TSHZ3: variants seen among roughly 807,000 people sequenced by gnomAD.
TSHZ3 encodes teashirt homolog 3.
A neutral mutation model predicts 64.5 loss-of-function variants in TSHZ3; 10 were observed. The observed-to-expected ratio is 0.16, with a 90% CI of 0.10 to 0.26. The LOEUF (loss-of-function observed/expected upper bound fraction) is 0.26, where lower values mean the gene tolerates loss of function less well. TSHZ3 is among the 10% of genes least tolerant of loss of function. TSHZ3 has a pLI of 1.00. For missense variants in TSHZ3, 1,242 were observed against 1,421.7 expected (o/e 0.87, Z 2.03); for synonymous variants, 608 against 593.1 (o/e 1.03, Z -0.36).
intron 1 of TSHZ3, among the ~76,000 whole-genome samples, chr19:31,311,879 A>G (rs1916468070): frequency 6.6e-6 from 1 of 152,046 alleles, no homozygotes. Context: ...GTGCGCCACC[A>G]CGCCTGGCAA....
In TSHZ3 at chr19:31,276,996, T is replaced by A; in HGVS notation, c.2797A>T (p.Met933Leu). ...IMSDLSPQER[M>L]HISRFTGLSM... ...AGCCCGGTGAACCTGGAGATATGCA[T>A]CCGCTCCTGGGGGCTCAGGTCTGAC... The change falls in exon 2 of 2, where the codon ATG becomes TTG. Residue 933 changes from methionine to leucine, a missense_variant. Around this residue, in one of 4 missense-constraint regions of TSHZ3, gnomAD observed 550 missense variants for 545.1 expected, o/e 1.01. Transcript: ENST00000240587. The A allele has an allele frequency of 6.2e-7, 1 of 1,613,122 alleles. No homozygotes were observed. The highest frequency in any genetic ancestry group is 8.5e-7 in the Non-Finnish European group (1 of 1,179,226).
At chr19:31,164,711 T>C (rs1568334183) in intron 5 of TSHZ3, among the ~76,000 whole-genome samples, 2 of 152,322 alleles carry the variant, frequency 1.3e-5, no homozygotes, top group East Asian at 3.9e-4. Context: ...GGACGCTGCG[T>C]GCATGAAGGC....
At chr19:31,261,249 G>A (rs1975980162) in intron 1 of TSHZ3, among the ~76,000 whole-genome samples, 1 of 152,172 alleles carries the variant, frequency 6.6e-6, no homozygotes, top group African/African-American at 2.4e-5. Flanking sequence ...ACTGAACACT[G>A]CTCTGATATT....
chr19:31,180,267 G>C (rs368851212), intron 5 of TSHZ3, among the ~76,000 whole-genome samples: 61 of 152,302 alleles, frequency 4.0e-4, no homozygotes, highest in African/African-American at 1.4e-3. Context: ...ATGAATGAAT[G>C]AAGAGTCTGT....
At chr19:31,223,802 G>C (rs773854906) in intron 4 of TSHZ3, among the ~76,000 whole-genome samples, 11 of 152,074 alleles carry the variant, frequency 7.2e-5, no homozygotes, top group African/African-American at 2.7e-4. Flanking sequence ...AATGGCACCC[G>C]TGGGGTTGGA....
intron 1 of TSHZ3, among the ~76,000 whole-genome samples, chr19:31,330,091 T>C (rs752413401): frequency 1.4e-4 from 21 of 152,146 alleles, no homozygotes; most frequent in Non-Finnish European, 2.4e-4. Flanking sequence ...GGGTTCCTAC[T>C]TTATTTCCTT....
At chr19:31,224,598 C>A (rs1033187780) in intron 4 of TSHZ3, among the ~76,000 whole-genome samples, 11 of 152,158 alleles carry the variant, frequency 7.2e-5, no homozygotes, top group Admixed American at 7.2e-4. Context: ...AGAAGCCAGA[C>A]GTGGTGGGTC....
intron 1 of TSHZ3, among the ~76,000 whole-genome samples, chr19:31,290,079 C>T (rs1227776108): frequency 6.6e-6 from 1 of 152,162 alleles, no homozygotes; most frequent in Non-Finnish European, 1.5e-5. Context: ...GGGAACCACA[C>T]CTGCCATATC....
intron 1 of TSHZ3, among the ~76,000 whole-genome samples, chr19:31,296,403 C>T (rs993798892): frequency 9.2e-5 from 13 of 140,982 alleles, no homozygotes; most frequent in African/African-American, 1.1e-4. Context: ...GGTGTGATCT[C>T]GGCTCACTGC....
chr19:31,318,422 T>C (rs776669368), intron 1 of TSHZ3, among the ~76,000 whole-genome samples: 9 of 152,220 alleles, frequency 5.9e-5, no homozygotes, highest in Non-Finnish European at 1.3e-4. Context: ...TTGCCATCTG[T>C]TGATAAAGGA....
chr19:31,278,747 T>G lies in TSHZ3; in HGVS notation c.1046A>C (p.Asn349Thr). The change falls in exon 2 of 2, where the codon AAC becomes ACC. Residue 349 changes from asparagine to threonine, a missense_variant. Asn to Thr is a moderately conservative substitution (Grantham distance 65). Coordinates refer to ENST00000240587, the MANE Select transcript of TSHZ3 (RefSeq NM_020856.4). This position sits in a 1 kb window ranked among gnomAD's most constrained non-coding sequence, Gnocchi z 4.7. ...GTTGGAGTTCTTCTGAAGTGCATCG[T>G]TGGTGTCTGAGATGGTGGCTTTGGG... ...GTPKATISDTNDALQKNSNPY... is the reference protein window; with the variant it reads ...GTPKATISDTTDALQKNSNPY... 2 of 1,614,142 alleles carry G rather than the reference T, an allele frequency of 1.2e-6. No homozygotes were observed. The highest frequency in any genetic ancestry group is 1.7e-6 in the Non-Finnish European group (2 of 1,180,016).
chr19:31,296,054 T>G (rs1283831038), intron 1 of TSHZ3, among the ~76,000 whole-genome samples: 3 of 151,072 alleles, frequency 2.0e-5, no homozygotes, highest in Non-Finnish European at 4.4e-5. Flanking sequence ...TGAGGAGATC[T>G]CTAAGACATA....
chr19:31,344,268 T>C (rs1599662170), intron 1 of TSHZ3, among the ~76,000 whole-genome samples: 2 of 152,234 alleles, frequency 1.3e-5, no homozygotes, highest in East Asian at 3.9e-4. Flanking sequence ...CCTTTTCCCC[T>C]CCATGGGCTT....
chr19:31,197,793 A>G (rs920525632), intron 5 of TSHZ3, among the ~76,000 whole-genome samples: 1 of 152,012 alleles, frequency 6.6e-6, no homozygotes, highest in Admixed American at 6.5e-5. Context: ...TATTAGCAAA[A>G]TTGAATCAAT....
intron 1 of TSHZ3, among the ~76,000 whole-genome samples, chr19:31,343,832 C>G (rs922875327): frequency 2.0e-5 from 3 of 150,834 alleles, no homozygotes; most frequent in African/African-American, 4.9e-5. Flanking sequence ...ATATTGATAG[C>G]CATTGTTTAG....
Position 31,349,352 on chromosome 19 carries a change from C to T in TSHZ3, c.-133G>A. 7.8e-6 allele frequency: 6 copies of T among 771,518 alleles called. No individual in the cohort carries two copies. The highest frequency in any genetic ancestry group is 1.1e-5 in the Non-Finnish European group (6 of 540,992). 47.8% of individuals were successfully genotyped at this position (771,518 alleles called of 1,614,324 possible). ...AGCCTCCCCCCCGGAGAGCGGCCGCCCGCAGGATGCTGCTGCGCCCAGGCT... is the reference window on the plus strand; with the variant it reads ...AGCCTCCCCCCCGGAGAGCGGCCGCTCGCAGGATGCTGCTGCGCCCAGGCT... On this transcript the variant is annotated 5_prime_UTR_variant, in exon 1 of 2. Transcript: ENST00000240587.
intron 5 of TSHZ3, among the ~76,000 whole-genome samples, chr19:31,160,161 G>C (rs1221839496): frequency 6.6e-6 from 1 of 152,020 alleles, no homozygotes; most frequent in African/African-American, 2.4e-5. Flanking sequence ...TTTATGTATT[G>C]CAAGTAAAGT....
rs374980371 is a variant in TSHZ3, at chr19:31,276,937, G to T, written c.2856C>A (p.Asn952Lys). ...CTGTCCTTCGAAGCTGGTATTTCAC[G>T]TTGGCCAGCCAGTGGCTGATGGTGG... ...SMTTISHWLANVKYQLRRTGG... is the reference protein window; with the variant it reads ...SMTTISHWLAKVKYQLRRTGG... The change falls in exon 2 of 2, where the codon AAC becomes AAA. Residue 952 changes from asparagine to lysine, a missense_variant. Physicochemically the swap from Asn to Lys is moderately conservative, Grantham distance 94. Around this residue, in one of 4 missense-constraint regions of TSHZ3, gnomAD observed 11 missense variants for 31.9 expected, o/e 0.34. Transcript: ENST00000240587. 1 of 1,614,234 alleles carries T rather than the reference G, an allele frequency of 6.2e-7. No homozygotes were observed. Among genetic ancestry groups the T allele is most frequent in the Non-Finnish European group, 8.5e-7 (1 of 1,180,042 alleles).
intron 1 of TSHZ3, among the ~76,000 whole-genome samples, chr19:31,333,970 T>C (rs753678339): frequency 1.3e-5 from 2 of 152,210 alleles, no homozygotes; most frequent in Non-Finnish European, 2.9e-5. Flanking sequence ...TTCCAAATAA[T>C]ACCTTGCTCC....
Sources: allele counts gnomAD v4.1 joint callset (sites outside exome capture counted in the v4.1 genomes callset), GRCh38; gene constraint gnomAD v4.1.1; regional missense constraint gnomAD v4.1.1; non-coding constraint Gnocchi (gnomAD v3.1); transcripts MANE v1.5; gene names NCBI Gene and HGNC (gene_info 2026-07-23, HGNC 2026-07-21).